The following SEMA4F variants were observed in gnomAD, a reference collection of about 807,000 sequenced individuals.
The protein encoded by SEMA4F is ssemaphorin 4F.
A neutral mutation model predicts 78.4 loss-of-function variants in SEMA4F; 51 were observed. The ratio of observed to expected loss-of-function variants is 0.65; its 90% CI spans 0.52 to 0.82. The LOEUF is 0.82. Ranked by LOEUF, SEMA4F falls within the 40% of genes least tolerant of loss-of-function variation. The pLI, the probability that SEMA4F is intolerant of heterozygous loss-of-function variation, is 0.00. For missense variants in SEMA4F, 938 were observed against 1,014.4 expected, an observed-to-expected ratio of 0.92 and a Z score of 1.02; for synonymous variants, 418 against 408.7, an observed-to-expected ratio of 1.02 and a Z score of -0.27.
At chr2:74,679,410 A>G (rs1685462496) in intron 13 of SEMA4F, 76 bp downstream of exon 13, 1 of 1,488,758 alleles carries the variant, frequency 6.7e-7, no homozygotes, top group Non-Finnish European at 9.4e-7. Context: ...TTCATTTTGG[A>G]ACGATTCTAA....
At chr2:74,704,825 C>T in the SEMA4F span, among the ~76,000 whole-genome samples, 4 of 152,146 alleles carry the variant, frequency 2.6e-5, no homozygotes, top group Admixed American at 6.5e-5. Flanking sequence ...GCCCCATAAT[C>T]CTGACCTTCA....
rs1363027538 is a variant in SEMA4F at position 74,654,311 on chromosome 2, A to G, written c.-66A>G. The G allele has an allele frequency of 4.4e-6, 6 of 1,375,956 alleles. No individual in the cohort carries two copies. The highest frequency in any genetic ancestry group is 3.7e-6 in the Non-Finnish European group (4 of 1,071,060). 85.2% of individuals were successfully genotyped at this position (1,375,956 alleles called of 1,614,324 possible). ...AGAGGACCCGAGTGGGGCCGAGGCC[A>G]GTAGCCCCGGGGCCCTGAGCAGAGG... On this transcript the variant is annotated 5_prime_UTR_variant, in exon 1 of 14. Transcript: ENST00000357877.
At chr2:74,656,495 G>A (rs374114930) in intron 1 of SEMA4F, 39 bp from the exon 2 acceptor site, 137 of 1,597,696 alleles carry the variant, frequency 8.6e-5, no homozygotes, top group Non-Finnish European at 1.1e-4. Context: ...TGACCCTTAG[G>A]AAGCGATGGC....
At chr2:74,698,155 A>C in the SEMA4F span, among the ~76,000 whole-genome samples, 1 of 152,250 alleles carries the variant, frequency 6.6e-6, no homozygotes, top group Non-Finnish European at 1.5e-5. Context: ...CCTCTAAAAC[A>C]TAGGTCCTAG....
intron 5 of SEMA4F, among the ~76,000 whole-genome samples, chr2:74,667,284 C>A (rs1684745111): frequency 6.6e-6 from 1 of 152,188 alleles, no homozygotes; most frequent in Admixed American, 6.5e-5. Flanking sequence ...TTGCATTAAT[C>A]TACTTAATTG....
rs756216034 is a variant in SEMA4F at position 74,680,005 on chromosome 2, G to T, written c.2109G>T (p.Gly703=). 14 of 1,614,026 alleles carry T rather than the reference G, an allele frequency of 8.7e-6. No individual in the cohort carries two copies. Among genetic ancestry groups the T allele is most frequent in the Non-Finnish European group, 1.2e-5 (14 of 1,180,030 alleles). ...GAGACAAGGTGGGCCTGGACCTGGG[G>T]GCTCCACCTTCTGGGACCACAAGCT... ...LARDKVGLDL[G]APPSGTTSYS... is the part of the protein sequence containing the mutation. The change falls in exon 14 of 14, where the codon GGG becomes GGT. Residue 703 remains glycine (G), a synonymous_variant. Transcript: ENST00000357877.
chr2:74,675,172 A>C lies in SEMA4F; in HGVS notation c.1160A>C (p.Asn387Thr), dbSNP rs1290017853. The change falls in exon 10 of 14, where the codon AAC (asparagine) becomes ACC (threonine). Residue 387 changes from asparagine (N) to threonine (T), a missense_variant. By Grantham distance (65) the Asn-to-Thr change is moderately conservative. Coordinates refer to ENST00000357877, the MANE Select transcript of SEMA4F (RefSeq NM_004263.5). The stretch of plus-strand genomic sequence containing the variant: ...CTGTATTTCCTCTAGTGCATCACCA[A>C]CAACATGAAGCTCCGGCACTTTGGC... ...PQPRPGECIT[N>T]NMKLRHFGSS... The C allele has an allele frequency of 6.2e-7, 1 of 1,613,996 alleles. No homozygotes were observed. The highest frequency in any genetic ancestry group is 8.5e-7 in the Non-Finnish European group (1 of 1,179,970).
At position 74,679,909 on chromosome 2, in the gene SEMA4F, C is replaced by A. The variant is rs372248795; in HGVS notation, c.2013C>A (p.Leu671=). 1.2e-6 allele frequency: 2 copies of A among 1,614,064 alleles called. No homozygotes were observed. The highest frequency in any genetic ancestry group is 1.7e-6 in the Non-Finnish European group (2 of 1,180,042). The change falls in exon 14 of 14, where the codon CTC becomes CTA. Residue 671 remains leucine (L), a synonymous_variant. Coordinates refer to ENST00000357877, the MANE Select transcript of SEMA4F (RefSeq NM_004263.5). ...TGGCTGGCTTCTTCTTGGGGATTCT[C>A]GCAGCATCCCTGACTCTCATTCTGA... is the stretch of plus-strand genomic sequence containing the variant. The part of the protein sequence containing the change: ...AGLAGFFLGI[L]AASLTLILIG...
chr2:74,692,117 C>T, the SEMA4F span, among the ~76,000 whole-genome samples: 1 of 152,116 alleles, frequency 6.6e-6, no homozygotes, highest in African/African-American at 2.4e-5. Context: ...CTCAAGTTGA[C>T]GCAGGAAGAT....
At chr2:74,672,199 C>T (rs1685022507) in intron 5 of SEMA4F, among the ~76,000 whole-genome samples, 1 of 152,292 alleles carries the variant, frequency 6.6e-6, no homozygotes, top group Middle Eastern at 3.4e-3. Flanking sequence ...GCTCACTGGC[C>T]CTGCCCAGCA....
At chr2:74,679,414 A>G in intron 13 of SEMA4F, 80 bp downstream of exon 13, 1 of 1,490,686 alleles carries the variant, frequency 6.7e-7, no homozygotes, top group Non-Finnish European at 9.4e-7. Context: ...TTTTGGAACG[A>G]TTCTAAACCT....
In SEMA4F at chr2:74,657,852, G is replaced by A. The variant is rs1684234456; in HGVS notation, c.358-1G>A. 6.2e-7 allele frequency: 1 copy of A among 1,613,868 alleles called. No homozygotes were observed. The highest frequency in any genetic ancestry group is 8.5e-7 in the Non-Finnish European group (1 of 1,179,732). On this transcript the variant is annotated splice_acceptor_variant, in intron 3 of 13. Transcript: ENST00000357877. LOFTEE classifies it high-confidence loss of function. ...TCTTTCTAACCGTCTCTGACCCCCAGGACGAATGTCACAATTTTGTCCAGA... is the reference window on the plus strand; with the variant it reads ...TCTTTCTAACCGTCTCTGACCCCCAAGACGAATGTCACAATTTTGTCCAGA...
At position 74,679,331 on chromosome 2, in the gene SEMA4F, G is replaced by C. The variant is rs1422250048; in HGVS notation, c.1699G>C (p.Gly567Arg). ...DVSSLCPKEP[G>R]ERPVVFEVPV... ...CTCCTCTTTGTGTCCTAAAGAGCCT[G>C]GAGGTCTGTATGGTCTGTATGGATT... The change falls in exon 13 of 14, where the codon GGA becomes CGA. Residue 567 changes from glycine to arginine, a missense_variant. Gly to Arg is a moderately radical substitution (Grantham distance 125). Transcript: ENST00000357877. The C allele has an allele frequency of 6.2e-7, 1 of 1,611,780 alleles. No homozygotes were observed. The highest frequency in any genetic ancestry group is 1.3e-5 in the African/African-American group (1 of 74,982).
chr2:74,685,074 A>G (rs1685788585), downstream of SEMA4F, among the ~76,000 whole-genome samples: 1 of 152,102 alleles, frequency 6.6e-6, no homozygotes, highest in Admixed American at 6.5e-5. Context: ...CATATACTAA[A>G]TCTTTGCACT....
chr2:74,708,303 A>G, the SEMA4F span, among the ~76,000 whole-genome samples: 1 of 152,186 alleles, frequency 6.6e-6, no homozygotes, highest in South Asian at 2.1e-4. Context: ...TATGAGAAGA[A>G]GTAGAAAAAT....
intron 1 of SEMA4F, chr2:74,655,476 C>T (rs1247130705): frequency 2.1e-5 from 4 of 188,952 alleles, no homozygotes; most frequent in Non-Finnish European, 3.7e-5. Flanking sequence ...CCAGTGAAGC[C>T]AAGAGTACAA....
At position 74,658,889 on chromosome 2, in the gene SEMA4F, A is replaced by C. The variant is rs1370961505; in HGVS notation, c.456+938A>C. ...GTAGATCTTGTCTTGACTCTTCTGC[A>C]GTCCTCAGTAATCCCTGCCACCTGG... On this transcript the variant is annotated intron_variant, in intron 4 of 13. Coordinates refer to ENST00000357877, the MANE Select transcript of SEMA4F (RefSeq NM_004263.5). The surrounding 1 kb of genome is among the most constrained non-coding windows in gnomAD (Gnocchi z 4.3). 6.6e-6 allele frequency among the ~76,000 whole-genome samples: 1 copy of C among 152,110 alleles called. No individual in the cohort carries two copies. The highest frequency in any genetic ancestry group is 1.5e-5 in the Non-Finnish European group (1 of 68,012).
chr2:74,701,418 C>T, the SEMA4F span, among the ~76,000 whole-genome samples: 43,182 of 152,046 alleles, frequency 0.28, 9,080 homozygotes, highest in East Asian at 0.82. Flanking sequence ...TTTCTCTAGT[C>T]GAACTCAGCT....
At position 74,673,827 on chromosome 2, in the gene SEMA4F, C is replaced by T. The variant is rs767770068; in HGVS notation, c.821C>T (p.Ala274Val). ...GTCCCACGGGTGGCCCGTGTGTGTG[C>T]GGTGAGACCCCATCCCAGCTGTCTG... ...IKVPRVARVC[A>V]GDLGGRKTLQ... The change falls in exon 7 of 14, where the codon GCG (alanine) becomes GTG (valine). Residue 274 changes from alanine (A) to valine (V), a missense_variant and splice_region_variant. Physicochemically the swap from Ala to Val is moderately conservative, Grantham distance 64. Transcript: ENST00000357877. The T allele has an allele frequency of 5.6e-6, 9 of 1,611,504 alleles. No homozygotes were observed. The highest frequency in any genetic ancestry group is 5.9e-6 in the Non-Finnish European group (7 of 1,178,558).
Sources: allele counts gnomAD v4.1 joint callset (sites outside exome capture counted in the v4.1 genomes callset), GRCh38; gene constraint gnomAD v4.1.1; non-coding constraint Gnocchi (gnomAD v3.1); transcripts MANE v1.5; gene names NCBI Gene and HGNC (gene_info 2026-07-23, HGNC 2026-07-21).